ERBB4: variants seen among roughly 807,000 people sequenced by gnomAD.
ERBB4 encodes receptor tyrosine-protein kinase erbB-4.
A neutral mutation model predicts 158.0 loss-of-function variants in ERBB4; 42 were observed. The ratio of observed to expected loss-of-function variants is 0.27; its 90% confidence interval spans 0.21 to 0.34. ERBB4 has a LOEUF of 0.34. ERBB4 is among the 10% of genes least tolerant of loss of function. The pLI is 1.00. For missense variants in ERBB4, 1,333 were observed against 1,624.1 expected, an observed-to-expected ratio of 0.82 and a Z score of 3.08; for synonymous variants, 583 against 558.7, an observed-to-expected ratio of 1.04 and a Z score of -0.61.
At chr2:211,938,020 G>A (rs887305949) in intron 3 of ERBB4, among the ~76,000 whole-genome samples, 1 of 152,042 alleles carries the variant, frequency 6.6e-6, no homozygotes, top group Non-Finnish European at 1.5e-5. Flanking sequence ...CCAGAACCCT[G>A]CTGACTCAAA....
At chr2:212,114,276 A>C (rs1274524790) in intron 2 of ERBB4, among the ~76,000 whole-genome samples, 1 of 152,248 alleles carries the variant, frequency 6.6e-6, no homozygotes, top group African/African-American at 2.4e-5. Flanking sequence ...TGGAGACCTA[A>C]AAAACCAGAA....
At chr2:212,473,745 T>C (rs1689232783) in intron 1 of ERBB4, among the ~76,000 whole-genome samples, 2 of 152,108 alleles carry the variant, frequency 1.3e-5, no homozygotes, top group South Asian at 4.1e-4. Context: ...CTTACTGATA[T>C]TGGAATCTTC....
At chr2:211,467,725 T>C (rs2064728968) in intron 20 of ERBB4, among the ~76,000 whole-genome samples, 1 of 152,056 alleles carries the variant, frequency 6.6e-6, no homozygotes, top group Non-Finnish European at 1.5e-5. Flanking sequence ...AACAGCAGAG[T>C]AAGGCTAGGC....
chr2:212,496,864 A>G (rs1295622075), intron 1 of ERBB4, among the ~76,000 whole-genome samples: 3 of 152,082 alleles, frequency 2.0e-5, no homozygotes, highest in African/African-American at 7.2e-5. Context: ...CACAGTCAAT[A>G]CTTTATTTGC....
chr2:212,384,205 T>C (rs1227958111), intron 1 of ERBB4, among the ~76,000 whole-genome samples: 1 of 151,656 alleles, frequency 6.6e-6, no homozygotes, highest in Non-Finnish European at 1.5e-5. Context: ...ACCCTATCTG[T>C]AGAAGTTTAT....
intron 3 of ERBB4, among the ~76,000 whole-genome samples, chr2:211,807,192 G>T (rs1026765704): frequency 6.6e-6 from 1 of 151,814 alleles, no homozygotes; most frequent in Non-Finnish European, 1.5e-5. Context: ...TGTGCACAAC[G>T]TGCAGGTTTG....
intron 1 of ERBB4, among the ~76,000 whole-genome samples, chr2:212,238,012 G>A (rs2083942515): frequency 6.6e-6 from 1 of 152,226 alleles, no homozygotes. Context: ...AGCTTGCTGG[G>A]CTCCATGGGG....
intron 1 of ERBB4, among the ~76,000 whole-genome samples, chr2:212,260,946 G>A (rs4555288): frequency 2.6e-5 from 4 of 152,158 alleles, no homozygotes; most frequent in Non-Finnish European, 5.9e-5. Flanking sequence ...TAACGGCCTA[G>A]ATATAGATAT....
At chr2:211,750,500 T>G in intron 5 of ERBB4, 139 bp downstream of exon 5, 2 of 754,818 alleles carry the variant, frequency 2.6e-6, no homozygotes, top group Non-Finnish European at 4.7e-6. Flanking sequence ...ATCGGGTAGT[T>G]TTCTTGGCCC....
intron 3 of ERBB4, among the ~76,000 whole-genome samples, chr2:211,861,128 A>ATATATATATTT (rs1192342391): frequency 3.9e-5 from 1 of 25,470 alleles, no homozygotes; most frequent in Non-Finnish European, 8.0e-5. Context: ...TATATTTTAT[A>ATATATATATTT]TATATATATA....
intron 19 of ERBB4, among the ~76,000 whole-genome samples, chr2:211,580,834 A>AT (rs372932031): frequency 0.61 from 48,343 of 79,462 alleles, 19,926 homozygotes; most frequent in East Asian, 0.85. Flanking sequence ...TTATATATAT[A>AT]GATTATATAT....
At chr2:212,026,027 A>T (rs1213346633) in intron 2 of ERBB4, among the ~76,000 whole-genome samples, 1 of 151,692 alleles carries the variant, frequency 6.6e-6, no homozygotes, top group African/African-American at 2.4e-5. Context: ...GACAAAAATA[A>T]ATAATAGATG....
chr2:211,838,834 A>G (rs1309698064), intron 3 of ERBB4, among the ~76,000 whole-genome samples: 1 of 152,124 alleles, frequency 6.6e-6, no homozygotes. Context: ...GGTACAGTGC[A>G]AACTGGATCA....
chr2:211,705,659 A>G (rs368641123), intron 9 of ERBB4, among the ~76,000 whole-genome samples: 1 of 152,170 alleles, frequency 6.6e-6, no homozygotes, highest in African/African-American at 2.4e-5. Flanking sequence ...TGAAATTCCC[A>G]AAGACAGCAA....
At chr2:211,594,393 C>A (rs1003673931) in intron 19 of ERBB4, among the ~76,000 whole-genome samples, 1 of 151,772 alleles carries the variant, frequency 6.6e-6, no homozygotes, top group Non-Finnish European at 1.5e-5. Flanking sequence ...GAGCTGAAAT[C>A]GCACCACTGC....
chr2:211,527,800 G>A (rs1027257095), intron 20 of ERBB4, among the ~76,000 whole-genome samples: 2 of 151,824 alleles, frequency 1.3e-5, no homozygotes, highest in African/African-American at 4.8e-5. Context: ...TAAAAATAAT[G>A]GATGATAACA....
chr2:211,481,498 A>C (rs1322182776), intron 20 of ERBB4, among the ~76,000 whole-genome samples: 2 of 152,008 alleles, frequency 1.3e-5, no homozygotes, highest in Non-Finnish European at 2.9e-5. Context: ...TTTGCCACTC[A>C]TAAGGTAACA....
intron 20 of ERBB4, among the ~76,000 whole-genome samples, chr2:211,437,975 G>A (rs921125290): frequency 6.6e-6 from 1 of 152,134 alleles, no homozygotes; most frequent in Non-Finnish European, 1.5e-5. Flanking sequence ...TGAAGTAGCC[G>A]ATTTTATCCA....
intron 3 of ERBB4, among the ~76,000 whole-genome samples, chr2:211,822,765 C>T (rs1397485810): frequency 6.6e-6 from 1 of 151,912 alleles, no homozygotes; most frequent in African/African-American, 2.4e-5. Flanking sequence ...TGTGGTAAAT[C>T]GAATCATTAG....
Sources: gnomAD v4.1 joint callset for allele counts (sites outside exome capture counted in the v4.1 genomes callset) on GRCh38, gnomAD v4.1.1 for gene constraint, MANE v1.5 for transcripts, NCBI Gene and HGNC (gene_info 2026-07-23, HGNC 2026-07-21) for gene names.